The following AGMO variants were observed in gnomAD, a reference collection of about 807,000 sequenced individuals.
The protein encoded by AGMO is alkylglycerol monooxygenase.
AGMO carries 75 observed loss-of-function variants against 60.2 expected under a neutral mutation model. The ratio of observed to expected loss-of-function variants is 1.25; its 90% confidence interval spans 1.03 to 1.51. AGMO has a LOEUF of 1.51. Ranked by LOEUF, AGMO falls within the 40% of genes most tolerant of loss-of-function variation. AGMO has a pLI of 0.00. For missense variants in AGMO, 763 were observed against 525.5 expected, an observed-to-expected ratio of 1.45 and a Z score of -4.42; for synonymous variants, 261 against 177.1, an observed-to-expected ratio of 1.47 and a Z score of -3.76.
intron 12 of AGMO, among the ~76,000 whole-genome samples, chr7:15,250,774 T>A (rs899950472): frequency 6.6e-6 from 1 of 151,854 alleles, no homozygotes; most frequent in East Asian, 1.9e-4. Flanking sequence ...TGAAACCCCA[T>A]CTCTACTAAA....
intron 8 of AGMO, 60 bp downstream of exon 8, chr7:15,390,611 T>G: frequency 7.5e-7 from 1 of 1,330,320 alleles, no homozygotes; most frequent in East Asian, 2.4e-5. Flanking sequence ...GATTTTTCTC[T>G]TAACTATAAG....
At chr7:15,329,083 C>T (rs535857668) in intron 12 of AGMO, among the ~76,000 whole-genome samples, 1 of 152,124 alleles carries the variant, frequency 6.6e-6, no homozygotes, top group Admixed American at 6.6e-5. Context: ...CTTATCCTTT[C>T]CCCTCTCTTT....
chr7:15,501,497 T>C (rs1035952014), intron 3 of AGMO, among the ~76,000 whole-genome samples: 26 of 151,674 alleles, frequency 1.7e-4, no homozygotes, highest in African/African-American at 6.3e-4. Context: ...AAAAATCAAA[T>C]GTGAGAAAAA....
intron 12 of AGMO, among the ~76,000 whole-genome samples, chr7:15,278,359 G>A (rs529286698): frequency 1.3e-5 from 2 of 152,178 alleles, no homozygotes; most frequent in East Asian, 1.9e-4. Flanking sequence ...CAGCAGTTTT[G>A]GAATGGGCTA....
At chr7:15,436,699 T>C (rs1781413345) in intron 3 of AGMO, among the ~76,000 whole-genome samples, 1 of 152,166 alleles carries the variant, frequency 6.6e-6, no homozygotes, top group Non-Finnish European at 1.5e-5. Flanking sequence ...AACATGTTTC[T>C]CATTGTTCTC....
At chr7:15,417,672 G>C (rs1780811740) in intron 5 of AGMO, among the ~76,000 whole-genome samples, 1 of 152,138 alleles carries the variant, frequency 6.6e-6, no homozygotes, top group Non-Finnish European at 1.5e-5. Context: ...TATGTCCAAA[G>C]TCACGGTAAC....
At chr7:15,199,579 G>T (rs1183829967), downstream of AGMO, among the ~76,000 whole-genome samples, 1 of 152,154 alleles carries the variant, frequency 6.6e-6, no homozygotes, top group Non-Finnish European at 1.5e-5. Context: ...ACTGAAGAAT[G>T]TGTTTTACCC....
rs372990758 is a variant in AGMO at position 15,290,217 on chromosome 7, T to A, written c.1263+75297A>T. ...CTAATTTTTGTATTTTCAGTACAGA[T>A]GGGGTTTCACCATATTGGTCAGGCT... On this transcript the variant is annotated intron_variant, in intron 12 of 12. Coordinates refer to ENST00000342526, the MANE Select transcript of AGMO (RefSeq NM_001004320.2). Among the ~76,000 whole-genome samples the A allele has an allele frequency of 3.9e-5, 6 of 151,958 alleles. No homozygotes were observed. In the East Asian group the frequency reaches 7.8e-4, roughly 20 times the overall value.
chr7:15,143,943 A>G, the AGMO span, among the ~76,000 whole-genome samples: 2 of 152,170 alleles, frequency 1.3e-5, no homozygotes, highest in Non-Finnish European at 2.9e-5. Flanking sequence ...TATAAGTAGC[A>G]TGCATTGTAA....
At chr7:15,394,062 T>G (rs372277184) in intron 6 of AGMO, 51 bp downstream of exon 6, 2 of 1,351,710 alleles carry the variant, frequency 1.5e-6, no homozygotes, top group African/African-American at 1.4e-5. Flanking sequence ...AAAATAATAA[T>G]GCAATTTTTA....
At chr7:15,523,958 C>A (rs1472314083) in intron 3 of AGMO, among the ~76,000 whole-genome samples, 1 of 151,980 alleles carries the variant, frequency 6.6e-6, no homozygotes, top group African/African-American at 2.4e-5. Context: ...TCTGAAAATG[C>A]ATTTTATATG....
At chr7:15,217,262 C>T (rs1349883955) in intron 12 of AGMO, among the ~76,000 whole-genome samples, 1 of 151,996 alleles carries the variant, frequency 6.6e-6, no homozygotes, top group African/African-American at 2.4e-5. Context: ...TCCCATATCC[C>T]AAGGAACATG....
At chr7:15,555,286 TATATATACACACACACACAC>T (rs1285904200) in intron 2 of AGMO, among the ~76,000 whole-genome samples, 1 of 100,394 alleles carries the variant, frequency 1.0e-5, no homozygotes, top group East Asian at 2.7e-4. Context: ...TATATATATA[TATATATACACACACACACAC>T]ACACACACAC....
chr7:15,320,011 T>TA (rs1379304250), intron 12 of AGMO, among the ~76,000 whole-genome samples: 4 of 146,982 alleles, frequency 2.7e-5, no homozygotes, highest in Non-Finnish European at 5.9e-5. Flanking sequence ...ACTGCGAGGA[T>TA]AAAAAACCAA....
intron 3 of AGMO, among the ~76,000 whole-genome samples, chr7:15,533,226 T>A (rs1267907673): frequency 6.6e-6 from 1 of 152,134 alleles, no homozygotes. Flanking sequence ...CCTGTTATGC[T>A]GTGGTTATGT....
intron 3 of AGMO, among the ~76,000 whole-genome samples, chr7:15,525,409 A>T (rs1220825077): frequency 2.0e-5 from 3 of 151,770 alleles, no homozygotes; most frequent in African/African-American, 7.3e-5. Flanking sequence ...ACCCTTCCCT[A>T]ATTGGTTTTT....
chr7:15,338,344 ACATT>A (rs1391562048), intron 12 of AGMO, among the ~76,000 whole-genome samples: 1 of 152,192 alleles, frequency 6.6e-6, no homozygotes, highest in South Asian at 2.1e-4. Flanking sequence ...ATAGTTATAT[ACATT>A]AATTTTTAAC....
rs545910966 is a variant in AGMO, at chr7:15,249,364, CAT to C, written c.1264-48007_1264-48006del. On this transcript the variant is annotated intron_variant, in intron 12 of 12. Transcript: ENST00000342526. Reference sequence around the variant, plus strand: ...AGAGGGAGAAGAGTAACTATGGAAACATAAAAAGTTGAGGATAAGATTATTAG... The same window carrying C: ...AGAGGGAGAAGAGTAACTATGGAAACAAAAAGTTGAGGATAAGATTATTAG... Among the ~76,000 whole-genome samples the C allele has an allele frequency of 4.3e-3, 648 of 152,006 alleles. 2 individuals carry two copies. The highest frequency in any genetic ancestry group is 6.6e-3 in the Non-Finnish European group (449 of 67,950).
At chr7:15,258,204 C>T (rs1783157969) in intron 12 of AGMO, among the ~76,000 whole-genome samples, 1 of 152,066 alleles carries the variant, frequency 6.6e-6, no homozygotes, top group South Asian at 2.1e-4. Flanking sequence ...TTATGGCTTT[C>T]AATTTCAAAG....
Sources: allele counts gnomAD v4.1 joint callset (sites outside exome capture counted in the v4.1 genomes callset), GRCh38; gene constraint gnomAD v4.1.1; transcripts MANE v1.5; gene names NCBI Gene and HGNC (gene_info 2026-07-23, HGNC 2026-07-21).